The following VAPB variants were observed in gnomAD, a reference collection of about 807,000 sequenced individuals.
VAPB encodes vesicle-associated membrane protein-associated protein B/C.
Under a neutral mutation model 25.6 loss-of-function variants are expected in VAPB, and 7 were observed. The ratio of observed to expected loss-of-function variants is 0.27; its 90% CI spans 0.16 to 0.51. The LOEUF is 0.51. Among genes scored for constraint, VAPB ranks in the 20% least tolerant of loss-of-function variants. The pLI is 0.97. For synonymous variants in VAPB, 112 were observed against 109.2 expected, an observed-to-expected ratio of 1.03 and a Z score of -0.16; for missense variants, 266 against 301.3, an observed-to-expected ratio of 0.88 and a Z score of 0.87.
At chr20:58,417,595 C>T (rs927439480) in intron 1 of VAPB, among the ~76,000 whole-genome samples, 4 of 152,170 alleles carry the variant, frequency 2.6e-5, no homozygotes, top group African/African-American at 9.7e-5. Context: ...GTGTGGACTG[C>T]CCAGCAGGAC....
intron 1 of VAPB, among the ~76,000 whole-genome samples, chr20:58,413,982 A>G (rs74177921): frequency 0.96 from 3,304 of 3,426 alleles, 1,600 homozygotes; most frequent in Middle Eastern, 1. Flanking sequence ...CGGACGGGGC[A>G]GCTGGCCGGG....
chr20:58,422,479 G>A (rs184718572), intron 2 of VAPB, among the ~76,000 whole-genome samples: 16 of 152,274 alleles, frequency 1.1e-4, no homozygotes, highest in African/African-American at 3.9e-4. Context: ...TTGAGGCAGT[G>A]GGGATCTTCC....
At chr20:58,433,104 G>A (rs1182458060) in intron 2 of VAPB, among the ~76,000 whole-genome samples, 1 of 152,160 alleles carries the variant, frequency 6.6e-6, no homozygotes, top group African/African-American at 2.4e-5. Context: ...AAGATGGATG[G>A]GGGAGGTTGG....
rs1448062053 is a variant in VAPB, at chr20:58,450,763, A to G, written c.*6528A>G. 2.2e-6 allele frequency: 1 copy of G among 453,884 alleles called. No individual in the cohort carries two copies. Among genetic ancestry groups the G allele is most frequent in the Non-Finnish European group, 4.4e-6 (1 of 226,770 alleles). The allele number at this position is 453,884 out of a possible 1,614,324, so 28.1% of individuals were successfully genotyped here. ...TGAGTATCTTAAGAGATGTCTTAGA[A>G]TGCTTTAGTTTTCATAATTTGTCCT... On this transcript the variant is annotated 3_prime_UTR_variant, in exon 6 of 6. Transcript: ENST00000475243.
chr20:58,399,497 G>T (rs1020673698), intron 1 of VAPB, among the ~76,000 whole-genome samples: 1 of 151,798 alleles, frequency 6.6e-6, no homozygotes, highest in East Asian at 1.9e-4. Context: ...TGGGTGGATC[G>T]CTTGAGCTCA....
intron 1 of VAPB, among the ~76,000 whole-genome samples, chr20:58,417,256 T>G (rs974560722): frequency 2.3e-4 from 35 of 152,212 alleles, no homozygotes; most frequent in African/African-American, 7.7e-4. Flanking sequence ...AAAAAGCAAG[T>G]TTCAGGTTAA....
chr20:58,445,779 T>G lies in VAPB; in HGVS notation c.*1544T>G, dbSNP rs540804379. ...TGAAAAATGAAACTGCTGAAAAAGC[T>G]GAGCACCTGGTCACCCTTGGCCTTC... On this transcript the variant is annotated 3_prime_UTR_variant, in exon 6 of 6. Transcript: ENST00000475243. The G allele has an allele frequency of 1.3e-4, 60 of 453,828 alleles. No individual in the cohort carries two copies. Among genetic ancestry groups the G allele is most frequent in the African/African-American group, 9.8e-4 (49 of 50,012 alleles). 28.1% of individuals were successfully genotyped at this position (453,828 alleles called of 1,614,324 possible).
In VAPB at chr20:58,412,576, C is replaced by CAAAAAAA. The variant is rs375713162; in HGVS notation, c.59-5627_59-5621dup. 2.4e-4 allele frequency among the ~76,000 whole-genome samples: 22 copies of CAAAAAAA among 90,770 alleles called. 1 individual carries two copies. Among genetic ancestry groups the CAAAAAAA allele is most frequent in the Non-Finnish European group, 2.9e-4 (14 of 47,888 alleles). 59.5% of individuals were successfully genotyped at this position (90,770 alleles called of 152,430 possible). On this transcript the variant is annotated intron_variant, in intron 1 of 5. Coordinates refer to ENST00000475243, the MANE Select transcript of VAPB (RefSeq NM_004738.5). The stretch of plus-strand genomic sequence containing the variant: ...TGGGTGACAGAGTGAGACTCTGTCT[C>CAAAAAAA]AAAAAAAAAAAAAAGGTAAAATTAT...
At chr20:58,401,059 G>A (rs575611898) in intron 1 of VAPB, among the ~76,000 whole-genome samples, 2 of 152,188 alleles carry the variant, frequency 1.3e-5, no homozygotes, top group Non-Finnish European at 2.9e-5. Context: ...CTCTAACCTC[G>A]CTCAGAGAAA....
chr20:58,420,958 G>T (rs1054943698), intron 2 of VAPB, among the ~76,000 whole-genome samples: 1 of 152,174 alleles, frequency 6.6e-6, no homozygotes, highest in Non-Finnish European at 1.5e-5. Context: ...ATGACATCTT[G>T]GTGAGTCACT....
rs143261907 is a variant in VAPB, at chr20:58,450,350, CTCTG to C, written c.*6121_*6124del. On this transcript the variant is annotated 3_prime_UTR_variant, in exon 6 of 6. Transcript: ENST00000475243. ...CCTTAGCAAACGTTTCGTAAGTACCCTCTGTCTGTTTGCTACTATATGAGGTGCT... is the reference window on the plus strand; with the variant it reads ...CCTTAGCAAACGTTTCGTAAGTACCCTCTGTTTGCTACTATATGAGGTGCT... 26,777 of 453,688 alleles carry C rather than the reference CTCTG, an allele frequency of 0.059. 1,171 individuals carry two copies. Among genetic ancestry groups the C allele is most frequent in the Non-Finnish European group, 0.085 (19,260 of 226,696 alleles). 28.1% of individuals were successfully genotyped at this position (453,688 alleles called of 1,614,324 possible). A position where few individuals can be genotyped will look rare whatever the true frequency, so the allele number is the denominator to read the frequency against.
At chr20:58,393,745 T>TGTTTTG (rs572390728) in intron 1 of VAPB, among the ~76,000 whole-genome samples, 3 of 147,156 alleles carry the variant, frequency 2.0e-5, no homozygotes, top group African/African-American at 7.7e-5. Context: ...TGTTTTGTTT[T>TGTTTTG]TTTTGAGATG....
At position 58,446,772 on chromosome 20, in the gene VAPB, G is replaced by T. The variant is rs754509796; in HGVS notation, c.*2537G>T. The T allele has an allele frequency of 2.2e-6, 1 of 454,088 alleles. No individual in the cohort carries two copies. Among genetic ancestry groups the T allele is most frequent in the South Asian group, 1.6e-5 (1 of 64,478 alleles). 28.1% of individuals were successfully genotyped at this position (454,088 alleles called of 1,614,324 possible). On this transcript the variant is annotated 3_prime_UTR_variant, in exon 6 of 6. Coordinates refer to ENST00000475243, the MANE Select transcript of VAPB (RefSeq NM_004738.5). Reference sequence around the variant, plus strand: ...TCAGGAAGAGAAACAGGTGACTGATGGGAAGGTTGATTATTTTCTCAGTCA... The same window carrying T: ...TCAGGAAGAGAAACAGGTGACTGATTGGAAGGTTGATTATTTTCTCAGTCA...
chr20:58,424,465 TTG>T (rs1024146562), intron 2 of VAPB, among the ~76,000 whole-genome samples: 1 of 151,418 alleles, frequency 6.6e-6, no homozygotes, highest in Admixed American at 6.6e-5. Context: ...CCTCGGGGAA[TTG>T]TTCTCCATGT....
At position 58,399,572 on chromosome 20, in the gene VAPB, C is replaced by T. The variant is rs1361977308; in HGVS notation, c.58+10055C>T. Among the ~76,000 whole-genome samples the T allele has an allele frequency of 2.0e-5, 3 of 152,066 alleles. No individual in the cohort carries two copies. The East Asian group carries it at 5.8e-4, about 30-fold the overall frequency. ...CTTTACTAAAAATACAAAAGTTAAC[C>T]AGGCTTGGTGGTGTATGCCTGTAAT... On this transcript the variant is annotated intron_variant, in intron 1 of 5. Transcript: ENST00000475243.
intron 3 of VAPB, among the ~76,000 whole-genome samples, chr20:58,436,199 T>A (rs1389485719): frequency 1.3e-5 from 2 of 152,080 alleles, no homozygotes; most frequent in African/African-American, 4.8e-5. Flanking sequence ...TAAATTTTTT[T>A]TATATAAAAT....
rs1987976052 is a variant in VAPB, at chr20:58,397,072, C to T, written c.58+7555C>T. On this transcript the variant is annotated intron_variant, in intron 1 of 5. Coordinates refer to ENST00000475243, the MANE Select transcript of VAPB (RefSeq NM_004738.5). ...TGTCAGGACAATTTCTTAAGAACAT[C>T]AATTCATTAAGAGTTATTCTCTGAA... Among the ~76,000 whole-genome samples the T allele has an allele frequency of 1.3e-5, 2 of 152,214 alleles. 1 individual carries two copies. Among genetic ancestry groups the T allele is most frequent in the South Asian group, 4.1e-4 (2 of 4,828 alleles).
At chr20:58,418,090 A>G (rs1194830411) in intron 1 of VAPB, 121 bp from the exon 2 acceptor site, 2 of 1,335,234 alleles carry the variant, frequency 1.5e-6, no homozygotes, top group African/African-American at 1.4e-5. Context: ...ATCCATTGGC[A>G]TGTTAATGAG....
rs1442004772 is a variant in VAPB, at chr20:58,450,866, G to A, written c.*6631G>A. ...TTGGTGCAGGAAAGGACTCTTTACT[G>A]TTGCACATTTTGGTTTTCTGATATG... On this transcript the variant is annotated 3_prime_UTR_variant, in exon 6 of 6. Coordinates refer to ENST00000475243, the MANE Select transcript of VAPB (RefSeq NM_004738.5). 13 of 453,998 alleles carry A rather than the reference G, an allele frequency of 2.9e-5. No homozygotes were observed. The highest frequency in any genetic ancestry group is 5.3e-5 in the Non-Finnish European group (12 of 226,792). The allele number at this position is 453,998 out of a possible 1,614,324, so 28.1% of individuals were successfully genotyped here.
Sources: allele counts gnomAD v4.1 joint callset (sites outside exome capture counted in the v4.1 genomes callset), GRCh38; gene constraint gnomAD v4.1.1; transcripts MANE v1.5; gene names NCBI Gene and HGNC (gene_info 2026-07-23, HGNC 2026-07-21).